SCG2: variants seen among roughly 807,000 people sequenced by gnomAD.
SCG2 encodes secretogranin-2.
In SCG2, 23 loss-of-function variants were observed where a neutral mutation model predicts 49.5. The observed-to-expected ratio is 0.46, with a 90% CI of 0.33 to 0.66. The LOEUF (loss-of-function observed/expected upper bound fraction) is 0.66, where lower values mean the gene tolerates loss of function less well. Among genes scored for constraint, SCG2 ranks in the 30% least tolerant of loss-of-function variants. The pLI is 0.01. For missense variants in SCG2, 730 were observed against 728.2 expected, an observed-to-expected ratio of 1.00 and a Z score of -0.03; for synonymous variants, 288 against 260.4, an observed-to-expected ratio of 1.11 and a Z score of -1.02.
rs1478338604 is a variant in SCG2, at chr2:223,598,004, G to A, written c.1279C>T (p.Leu427=). The A allele has an allele frequency of 6.2e-7, 1 of 1,613,868 alleles. No individual in the cohort carries two copies. The highest frequency in any genetic ancestry group is 8.5e-7 in the Non-Finnish European group (1 of 1,179,896). ...KTPGRAGTEA[L]PDGLSVEDIL... Reference sequence around the variant, plus strand: ...TCCTCAACACTGAGCCCGTCTGGTAGGGCCTCAGTCCCAGCACGACCAGGT... The same window carrying A: ...TCCTCAACACTGAGCCCGTCTGGTAAGGCCTCAGTCCCAGCACGACCAGGT... The change falls in exon 2 of 2, where the codon CTA becomes TTA. Residue 427 remains leucine, a synonymous_variant. Coordinates refer to ENST00000305409, the MANE Select transcript of SCG2 (RefSeq NM_003469.5).
chr2:223,599,300 A>AAAAC lies in SCG2; in HGVS notation c.-14-8_-14-5dup. 1 of 1,540,826 alleles carries AAAAC rather than the reference A, an allele frequency of 6.5e-7. No homozygotes were observed. Among genetic ancestry groups the AAAAC allele is most frequent in the Non-Finnish European group, 8.7e-7 (1 of 1,143,370 alleles). On this transcript the variant is annotated splice_polypyrimidine_tract_variant and splice_region_variant and intron_variant, in intron 1 of 1. Transcript: ENST00000305409. ...TCAGCCATGTTTGAAAGATTTCCTT[A>AAAAC]AAACATAAAAAATATGAGTTACACA...
rs1366996336 is a variant in SCG2, at chr2:223,597,713, C to T, written c.1570G>A (p.Val524Met). Residue 524 changes from valine (V) to methionine (M), a missense_variant, in exon 2 of 2, where the codon GTG becomes ATG. By Grantham distance (21) the Val-to-Met change is conservative (BLOSUM62 1). Transcript: ENST00000305409. Reference protein sequence around the residue: ...KYPEIINSNQVKRVPGQGSSE... With the variant: ...KYPEIINSNQMKRVPGQGSSE... ...GAGCCTTGACCAGGAACTCGCTTCACTTGGTTTGAATTAATGATCTCAGGG... is the reference window on the plus strand; with the variant it reads ...GAGCCTTGACCAGGAACTCGCTTCATTTGGTTTGAATTAATGATCTCAGGG... 6.2e-7 allele frequency: 1 copy of T among 1,614,022 alleles called. No homozygotes were observed. Among genetic ancestry groups the T allele is most frequent in the Non-Finnish European group, 8.5e-7 (1 of 1,180,036 alleles).
At position 223,598,366 on chromosome 2, in the gene SCG2, T is replaced by G; in HGVS notation, c.917A>C (p.Asp306Ala). 6.2e-7 allele frequency: 1 copy of G among 1,614,080 alleles called. No individual in the cohort carries two copies. Among genetic ancestry groups the G allele is most frequent in the Non-Finnish European group, 8.5e-7 (1 of 1,180,028 alleles). Residue 306 changes from aspartate (D) to alanine (A), a missense_variant, in exon 2 of 2, where the codon GAT (aspartate) becomes GCT (alanine). Physicochemically the swap from Asp to Ala is moderately radical, Grantham distance 126. Coordinates refer to ENST00000305409, the MANE Select transcript of SCG2 (RefSeq NM_003469.5). ...RKESKDQLSD[D>A]VSKVIAYLKR... ...CAAATAGGCAATTACTTTGGAGACA[T>G]CATCTGAGAGTTGGTCTTTACTCTC... is the stretch of plus-strand genomic sequence containing the variant.
intron 1 of SCG2, among the ~76,000 whole-genome samples, chr2:223,600,527 A>G (rs1691374475): frequency 6.6e-6 from 1 of 152,172 alleles, no homozygotes; most frequent in African/African-American, 2.4e-5. Context: ...TGTTGTAAAC[A>G]AAATGAATGT....
chr2:223,600,303 T>C (rs1055224120), intron 1 of SCG2, among the ~76,000 whole-genome samples: 2 of 152,184 alleles, frequency 1.3e-5, no homozygotes, highest in African/African-American at 4.8e-5. Flanking sequence ...AAATCACTCA[T>C]ACTGTTTAGA....
rs769672352 is a variant in SCG2 at position 223,598,352 on chromosome 2, T to C, written c.931A>G (p.Ile311Val). ...DQLSDDVSKV[I>V]AYLKRLVNAA... The stretch of plus-strand genomic sequence containing the variant: ...TTTACTAACCTTTTCAAATAGGCAA[T>C]TACTTTGGAGACATCATCTGAGAGT... The change falls in exon 2 of 2, where the codon ATT becomes GTT. Residue 311 changes from isoleucine (I) to valine (V), a missense_variant. By Grantham distance (29) the Ile-to-Val change is conservative (BLOSUM62 3). Coordinates refer to ENST00000305409, the MANE Select transcript of SCG2 (RefSeq NM_003469.5). 1 of 1,614,048 alleles carries C rather than the reference T, an allele frequency of 6.2e-7. No individual in the cohort carries two copies. The highest frequency in any genetic ancestry group is 1.7e-5 in the Admixed American group (1 of 60,028).
rs779312527 is a variant in SCG2 at position 223,598,944 on chromosome 2, T to C, written c.339A>G (p.Ile113Met). ...DSLSEEDWMRIILEALRQAEN... is the reference protein window; with the variant it reads ...DSLSEEDWMRMILEALRQAEN... ...CAGCCTGTCTCAAAGCTTCGAGTAT[T>C]ATTCTCATCCAGTCTTCTTCACTCA... is the stretch of plus-strand genomic sequence containing the variant. The change falls in exon 2 of 2, where the codon ATA becomes ATG. Residue 113 changes from isoleucine to methionine, a missense_variant. Coordinates refer to ENST00000305409, the MANE Select transcript of SCG2 (RefSeq NM_003469.5). 13 of 1,614,192 alleles carry C rather than the reference T, an allele frequency of 8.1e-6. No individual in the cohort carries two copies. The highest frequency in any genetic ancestry group is 1.1e-5 in the Non-Finnish European group (13 of 1,180,026).
chr2:223,599,635 A>G (rs572754487), intron 1 of SCG2, among the ~76,000 whole-genome samples: 1 of 152,208 alleles, frequency 6.6e-6, no homozygotes, highest in Admixed American at 6.5e-5. Flanking sequence ...GTTTCTCTAT[A>G]ATAAAGCAGC....
At chr2:223,601,926 C>G (rs1030025997) in intron 1 of SCG2, among the ~76,000 whole-genome samples, 1 of 152,196 alleles carries the variant, frequency 6.6e-6, no homozygotes, top group Non-Finnish European at 1.5e-5. Context: ...GGCTTCGTAT[C>G]TGGCTCTTAG....
chr2:223,598,463 T>C lies in SCG2; in HGVS notation c.820A>G (p.Lys274Glu), dbSNP rs1249644318. The change falls in exon 2 of 2, where the codon AAA becomes GAA. Residue 274 changes from lysine to glutamate, a missense_variant. Coordinates refer to ENST00000305409, the MANE Select transcript of SCG2 (RefSeq NM_003469.5). Reference protein sequence around the residue: ...EVRDSKENIEKNEQINDEMKR... With the variant: ...EVRDSKENIEENEQINDEMKR... ...ATCTCATCGTTGATTTGTTCATTTT[T>C]TTCTATATTCTCTTTGCTGTCTCTC... is the stretch of plus-strand genomic sequence containing the variant. The C allele has an allele frequency of 1.2e-6, 2 of 1,613,980 alleles. No individual in the cohort carries two copies. Among genetic ancestry groups the C allele is most frequent in the African/African-American group, 1.3e-5 (1 of 74,918 alleles).
Position 223,597,315 on chromosome 2 carries a change from A to G in SCG2, c.*114T>C. The G allele has an allele frequency of 1.5e-6, 2 of 1,349,910 alleles. No homozygotes were observed. The highest frequency in any genetic ancestry group is 2.9e-5 in the African/African-American group (2 of 68,620). 83.6% of individuals were successfully genotyped at this position (1,349,910 alleles called of 1,614,324 possible). ...CAGTGACCTGGTTTCATCTGCCTGT[A>G]CATCATTTAAAGATATTACAGTGTT... On this transcript the variant is annotated 3_prime_UTR_variant, in exon 2 of 2. Transcript: ENST00000305409.
rs1691351780 is a variant in SCG2, at chr2:223,599,173, T to G, written c.110A>C (p.Gln37Pro). ...AASFQRNQLL[Q>P]KEPDLRLENV... is the part of the protein sequence containing the mutation. ...TTCCAACCTGAGGTCTGGTTCTTTC[T>G]GAAGCAGCTGGTTTCTCTGAAATGA... Residue 37 changes from glutamine (Q) to proline (P), a missense_variant, in exon 2 of 2, where the codon CAG (glutamine) becomes CCG (proline). Gln to Pro is a moderately conservative substitution (Grantham distance 76). Transcript: ENST00000305409. The G allele has an allele frequency of 1.2e-6, 2 of 1,613,926 alleles. No homozygotes were observed. Among genetic ancestry groups the G allele is most frequent in the Admixed American group, 1.7e-5 (1 of 59,998 alleles).
At position 223,599,306 on chromosome 2, in the gene SCG2, T is replaced by C. The variant is rs764185365; in HGVS notation, c.-14-10A>G. 2.0e-6 allele frequency: 3 copies of C among 1,537,252 alleles called. No individual in the cohort carries two copies. Among genetic ancestry groups the C allele is most frequent in the Non-Finnish European group, 1.8e-6 (2 of 1,141,538 alleles). The stretch of plus-strand genomic sequence containing the variant: ...ATGTTTGAAAGATTTCCTTAAAACA[T>C]AAAAAATATGAGTTACACAAATGAA... On this transcript the variant is annotated splice_polypyrimidine_tract_variant and intron_variant, in intron 1 of 1. Transcript: ENST00000305409.
intron 1 of SCG2, 113 bp from the exon 2 acceptor site, chr2:223,599,409 A>G (rs1691355561): frequency 1.2e-6 from 1 of 862,800 alleles, no homozygotes; most frequent in Non-Finnish European, 1.7e-6. Context: ...ATTATTTCAC[A>G]TTAAGCTTAG....
Position 223,597,566 on chromosome 2 carries a change from G to T in SCG2, c.1717C>A (p.Pro573Thr). Residue 573 changes from proline to threonine, a missense_variant, in exon 2 of 2, where the codon CCC becomes ACC. By Grantham distance (38) the Pro-to-Thr change is conservative. Transcript: ENST00000305409. ...APVSKRFPVG[P>T]PKNDDTPNRQ... ...TTTGGGGTATCATCATTCTTCGGGG[G>T]CCCCACAGGGAACCTTTTGCTCACC... 3 of 1,614,114 alleles carry T rather than the reference G, an allele frequency of 1.9e-6. No individual in the cohort carries two copies. The highest frequency in any genetic ancestry group is 2.5e-6 in the Non-Finnish European group (3 of 1,180,026).
Position 223,598,811 on chromosome 2 carries a change from C to G in SCG2, c.472G>C (p.Glu158Gln). ...SDDYETQQWP[E>Q]RKLKHMQFPP... ...AATTGCATGTGCTTAAGCTTTCTTT[C>G]TGGCCACTGCTGTGTCTCATAATCA... is the stretch of plus-strand genomic sequence containing the variant. The change falls in exon 2 of 2, where the codon GAA becomes CAA. Residue 158 changes from glutamate to glutamine, a missense_variant. Physicochemically the swap from Glu to Gln is conservative, Grantham distance 29 (BLOSUM62 2). Transcript: ENST00000305409. 1 of 1,614,126 alleles carries G rather than the reference C, an allele frequency of 6.2e-7. No homozygotes were observed. The highest frequency in any genetic ancestry group is 8.5e-7 in the Non-Finnish European group (1 of 1,180,036).
Position 223,598,140 on chromosome 2 carries a change from C to T in SCG2, c.1143G>A (p.Pro381=), listed in dbSNP as rs74338589. The change falls in exon 2 of 2, where the codon CCG becomes CCA. Residue 381 remains proline (P), a synonymous_variant. Coordinates refer to ENST00000305409, the MANE Select transcript of SCG2 (RefSeq NM_003469.5). ...TGEKPNGSVE[P]ERELDLPVDL... is the part of the protein sequence containing the mutation. ...CAACAGGAAGGTCAAGCTCCCGCTC[C>T]GGTTCCACTGATCCATTCGGCTTCT... is the stretch of plus-strand genomic sequence containing the variant. 42 of 1,612,260 alleles carry T rather than the reference C, an allele frequency of 2.6e-5. 1 individual carries two copies. The Middle Eastern group carries it at 4.9e-4, about 19-fold the overall frequency.
At position 223,597,859 on chromosome 2, in the gene SCG2, G is replaced by A. The variant is rs141189708; in HGVS notation, c.1424C>T (p.Ser475Leu). Residue 475 changes from serine to leucine, a missense_variant, in exon 2 of 2, where the codon TCG becomes TTG. Physicochemically the swap from Ser to Leu is moderately radical, Grantham distance 145. Transcript: ENST00000305409. ...RLPYGAGRSR[S>L]NQLPKAAWIP... ...CCAGGCAGCTTTGGGAAGCTGGTTC[G>A]ATCTAGATCTTCCAGCACCATAAGG... The A allele has an allele frequency of 1.8e-5, 29 of 1,614,006 alleles. No individual in the cohort carries two copies. Among genetic ancestry groups the A allele is most frequent in the East Asian group, 8.9e-5 (4 of 44,892 alleles).
chr2:223,597,656 T>C lies in SCG2; in HGVS notation c.1627A>G (p.Ile543Val). 6.2e-7 allele frequency: 1 copy of C among 1,614,158 alleles called. No homozygotes were observed. Among genetic ancestry groups the C allele is most frequent in the Non-Finnish European group, 8.5e-7 (1 of 1,180,010 alleles). ...AAATGCTCTTTGATGGCCTGCTCAATTTGTTCCTCTTCCTGCAGGTCATCT... is the reference window on the plus strand; with the variant it reads ...AAATGCTCTTTGATGGCCTGCTCAACTTGTTCCTCTTCCTGCAGGTCATCT... ...SEDDLQEEEQ[I>V]EQAIKEHLNQ... The change falls in exon 2 of 2, where the codon ATT (isoleucine) becomes GTT (valine). Residue 543 changes from isoleucine (I) to valine (V), a missense_variant. By Grantham distance (29) the Ile-to-Val change is conservative (BLOSUM62 3). Transcript: ENST00000305409.
Sources: allele counts gnomAD v4.1 joint callset (sites outside exome capture counted in the v4.1 genomes callset), GRCh38; gene constraint gnomAD v4.1.1; transcripts MANE v1.5; gene names NCBI Gene and HGNC (gene_info 2026-07-23, HGNC 2026-07-21).